Variants in COL23A1 observed in about 807,000 individuals in gnomAD.
The protein encoded by COL23A1 is collagen type XXIII alpha 1 chain, also known as collagen alpha-1(XXIII) chain.
COL23A1 carries 97 observed loss-of-function variants against 99.3 expected under a neutral mutation model. That is an observed-to-expected ratio of 0.98 (90% confidence interval 0.83 to 1.16). COL23A1 has a LOEUF of 1.16. Ranked by LOEUF, COL23A1 falls within the 50% of genes most tolerant of loss-of-function variation. COL23A1 has a pLI of 0.00. For missense variants in COL23A1, 762 were observed against 757.4 expected, an observed-to-expected ratio of 1.01 and a Z score of -0.07; for synonymous variants, 320 against 308.2, an observed-to-expected ratio of 1.04 and a Z score of -0.40.
At chr5:178,483,169 T>C (rs920431450) in intron 2 of COL23A1, among the ~76,000 whole-genome samples, 1 of 152,236 alleles carries the variant, frequency 6.6e-6, no homozygotes, top group South Asian at 2.1e-4. Flanking sequence ...AGCAGGTCAC[T>C]GATGACCATC....
At chr5:178,323,511 G>A (rs1759462918) in intron 2 of COL23A1, among the ~76,000 whole-genome samples, 1 of 152,136 alleles carries the variant, frequency 6.6e-6, no homozygotes, top group Non-Finnish European at 1.5e-5. Flanking sequence ...GCTGCTTTGA[G>A]TGGGGTTGGG....
chr5:178,330,250 G>A (rs189453228), intron 2 of COL23A1, among the ~76,000 whole-genome samples: 35 of 152,334 alleles, frequency 2.3e-4, no homozygotes, highest in East Asian at 1.9e-3. Flanking sequence ...GTATTCTGTC[G>A]GCTTTGACCT....
chr5:178,338,921 G>C (rs576222754), intron 2 of COL23A1, among the ~76,000 whole-genome samples: 2 of 152,314 alleles, frequency 1.3e-5, no homozygotes, highest in African/African-American at 4.8e-5. Context: ...GACAGGCTGA[G>C]GCTTGTCTCT....
chr5:178,554,752 T>C (rs1762179891), intron 2 of COL23A1, among the ~76,000 whole-genome samples: 1 of 152,116 alleles, frequency 6.6e-6, no homozygotes, highest in African/African-American at 2.4e-5. Flanking sequence ...CCCATCAACG[T>C]GTCCCATGCT....
intron 12 of COL23A1, 138 bp downstream of exon 12, chr5:178,259,583 G>A: frequency 2.5e-6 from 2 of 795,528 alleles, no homozygotes; most frequent in Non-Finnish European, 3.9e-6. Context: ...GGCTGGTGGA[G>A]AGAAGGCCGC....
At chr5:178,267,192 CCT>C in intron 8 of COL23A1, 113 bp downstream of exon 8, 1 of 1,174,016 alleles carries the variant, frequency 8.5e-7, no homozygotes, top group Non-Finnish European at 1.3e-6. Flanking sequence ...GCCCTCTTGG[CCT>C]CTTTCTGTGA....
intron 2 of COL23A1, among the ~76,000 whole-genome samples, chr5:178,358,206 CGTGTGTATGTGTGTCTAATGTGTGTAT>C (rs971653772): frequency 1.9e-5 from 2 of 104,764 alleles, no homozygotes; most frequent in Non-Finnish European, 3.8e-5. Context: ...TGCATGTGTA[CGTGTGTATGTGTGTCTAATGTGTGTAT>C]GTGTGTATGT....
intron 1 of COL23A1, among the ~76,000 whole-genome samples, chr5:178,567,604 A>G (rs1008756348): frequency 1.3e-5 from 2 of 152,144 alleles, no homozygotes; most frequent in Non-Finnish European, 2.9e-5. Context: ...TTAGCCAGGC[A>G]TGTTGGATCA....
intron 2 of COL23A1, among the ~76,000 whole-genome samples, chr5:178,377,204 G>GT (rs1365410350): frequency 6.6e-6 from 1 of 152,214 alleles, no homozygotes; most frequent in East Asian, 1.9e-4. Context: ...TATGATTAAC[G>GT]TAATTCCAAC....
intron 1 of COL23A1, among the ~76,000 whole-genome samples, chr5:178,587,808 C>G (rs1209634475): frequency 6.6e-6 from 1 of 152,192 alleles, no homozygotes; most frequent in Non-Finnish European, 1.5e-5. Flanking sequence ...ACCGGCCAGG[C>G]TGTGTACATT....
At chr5:178,516,511 A>T (rs1459321153) in intron 2 of COL23A1, among the ~76,000 whole-genome samples, 3 of 152,098 alleles carry the variant, frequency 2.0e-5, no homozygotes, top group Non-Finnish European at 4.4e-5. Context: ...ATTCCCTCCA[A>T]GCATCCCTGA....
intron 2 of COL23A1, among the ~76,000 whole-genome samples, chr5:178,456,497 G>A (rs912470914): frequency 3.3e-5 from 5 of 152,140 alleles, no homozygotes; most frequent in African/African-American, 9.7e-5. Context: ...TCGGGAGTTC[G>A]AGACCAGCCT....
Position 178,250,061 on chromosome 5 carries a change from C to T in COL23A1, c.1059G>A (p.Lys353=). ...CCAAGGAAATGAAAGGCCCAGAGAC[C>T]TTCTCTCCATCGATTCCTGGGGCAC... ...LPGAPGIDGE[K]GPKGQKGDPG... The change falls in exon 18 of 29, where the codon AAG becomes AAA. Residue 353 remains lysine, a splice_region_variant and synonymous_variant. Coordinates refer to ENST00000390654, the MANE Select transcript of COL23A1 (RefSeq NM_173465.4). The T allele has an allele frequency of 6.2e-7, 1 of 1,613,740 alleles. No individual in the cohort carries two copies. Among genetic ancestry groups the T allele is most frequent in the Non-Finnish European group, 8.5e-7 (1 of 1,179,850 alleles).
At chr5:178,329,125 TG>T (rs1438770255) in intron 2 of COL23A1, among the ~76,000 whole-genome samples, 1 of 152,216 alleles carries the variant, frequency 6.6e-6, no homozygotes, top group Non-Finnish European at 1.5e-5. Flanking sequence ...AAGTGTCAGC[TG>T]GATTTTCTGC....
chr5:178,375,622 C>T (rs947003202), intron 2 of COL23A1, among the ~76,000 whole-genome samples: 7 of 152,246 alleles, frequency 4.6e-5, no homozygotes, highest in African/African-American at 1.7e-4. Flanking sequence ...CTCAGTCTCA[C>T]CAGGCAAACG....
chr5:178,321,841 C>T (rs181160845), intron 2 of COL23A1, among the ~76,000 whole-genome samples: 11 of 149,806 alleles, frequency 7.3e-5, no homozygotes, highest in Admixed American at 1.3e-4. Flanking sequence ...GGATAGACTA[C>T]GTTTACTCTG....
chr5:178,302,739 C>A (rs1758141988), intron 3 of COL23A1, among the ~76,000 whole-genome samples: 1 of 152,168 alleles, frequency 6.6e-6, no homozygotes, highest in African/African-American at 2.4e-5. Flanking sequence ...GGTGTTATCA[C>A]CTCAAGCAGC....
chr5:178,266,777 C>T, intron 8 of COL23A1, among the ~76,000 whole-genome samples: 1 of 152,242 alleles, frequency 6.6e-6, no homozygotes, highest in Non-Finnish European at 1.5e-5. Context: ...GGCGCCCGGC[C>T]AGCTCTGACC....
intron 2 of COL23A1, among the ~76,000 whole-genome samples, chr5:178,373,987 C>G (rs557155040): frequency 6.6e-6 from 1 of 152,122 alleles, no homozygotes; most frequent in Non-Finnish European, 1.5e-5. Flanking sequence ...GCGCCCGCAC[C>G]CTTCAACTTC....
Sources: allele counts gnomAD v4.1 joint callset (sites outside exome capture counted in the v4.1 genomes callset), GRCh38; gene constraint gnomAD v4.1.1; transcripts MANE v1.5; gene names NCBI Gene and HGNC (gene_info 2026-07-23, HGNC 2026-07-21).